The following MINDY4 variants were observed in gnomAD, a reference collection of about 807,000 sequenced individuals.
The protein encoded by MINDY4 is probable ubiquitin carboxyl-terminal hydrolase MINDY-4.
A neutral mutation model predicts 87.0 loss-of-function variants in MINDY4; 68 were observed. That is an observed-to-expected ratio of 0.78 (90% CI 0.64 to 0.96). The LOEUF is 0.96. Among genes scored for constraint, MINDY4 ranks in the 40% least tolerant of loss-of-function variants. MINDY4 has a pLI of 0.00. For missense variants in MINDY4, 919 were observed against 928.2 expected, an observed-to-expected ratio of 0.99 and a Z score of 0.13; for synonymous variants, 379 against 363.2, an observed-to-expected ratio of 1.04 and a Z score of -0.50.
chr7:30,859,052 G>A lies in MINDY4; in HGVS notation c.1678-205G>A, dbSNP rs779085699. 1.5e-5 allele frequency: 11 copies of A among 713,760 alleles called. 1 individual carries two copies. Among genetic ancestry groups the A allele is most frequent in the Admixed American group, 4.0e-5 (2 of 49,904 alleles). The allele number at this position is 713,760 out of a possible 1,614,324, so 44.2% of individuals were successfully genotyped here. On this transcript the variant is annotated intron_variant, in intron 12 of 17. Transcript: ENST00000265299. Reference sequence around the variant, plus strand: ...CTTTGGTGGCCCCTGCATCACCCTCGCTCTGCTGTCATTGTCATTCAGGTT... The same window carrying A: ...CTTTGGTGGCCCCTGCATCACCCTCACTCTGCTGTCATTGTCATTCAGGTT...
chr7:30,831,610 G>C (rs1432347641), intron 6 of MINDY4, among the ~76,000 whole-genome samples: 1 of 152,130 alleles, frequency 6.6e-6, no homozygotes. Flanking sequence ...GAAGGGTAGA[G>C]GAGAGATGGG....
chr7:30,888,742 GTAA>G, intron 17 of MINDY4, among the ~76,000 whole-genome samples: 1 of 152,274 alleles, frequency 6.6e-6, no homozygotes, highest in Non-Finnish European at 1.5e-5. Flanking sequence ...ATTTTCTATT[GTAA>G]TTGCAAACTG....
At chr7:30,805,783 AGAT>A (rs1359916047) in intron 5 of MINDY4, among the ~76,000 whole-genome samples, 1 of 152,154 alleles carries the variant, frequency 6.6e-6, no homozygotes, top group Non-Finnish European at 1.5e-5. Flanking sequence ...AGAAGTTTAG[AGAT>A]GAAGGGTACA....
intron 5 of MINDY4, among the ~76,000 whole-genome samples, chr7:30,813,154 C>A (rs1182553618): frequency 6.6e-6 from 1 of 152,294 alleles, no homozygotes; most frequent in African/African-American, 2.4e-5. Flanking sequence ...GCATTAGATT[C>A]AGATCCTTAA....
chr7:30,858,751 T>C (rs1039279469), intron 12 of MINDY4: 1 of 334,898 alleles, frequency 3.0e-6, no homozygotes, highest in Admixed American at 4.4e-5. Flanking sequence ...TCTCTGCTGC[T>C]CTTAGCACAG....
rs148050515 is a variant in MINDY4 at position 30,846,454 on chromosome 7, G to A, written c.1446-4000G>A. On this transcript the variant is annotated intron_variant, in intron 9 of 17. Coordinates refer to ENST00000265299, the MANE Select transcript of MINDY4 (RefSeq NM_032222.3). ...CCTGCACTTCACCTGTGAGGAATTC[G>A]ACTCTTAAAGAAACTTCTCTTGGTT... Among the ~76,000 whole-genome samples the A allele has an allele frequency of 4.7e-3, 722 of 152,226 alleles. 8 individuals are homozygous for A. The highest frequency in any genetic ancestry group is 7.8e-3 in the Non-Finnish European group (529 of 68,020).
In MINDY4 at chr7:30,791,419, G is replaced by C. The variant is rs373295305; in HGVS notation, c.918G>C (p.Pro306=). 2 of 1,614,000 alleles carry C rather than the reference G, an allele frequency of 1.2e-6. No individual in the cohort carries two copies. Among genetic ancestry groups the C allele is most frequent in the African/African-American group, 1.3e-5 (1 of 74,910 alleles). Residue 306 remains proline, a synonymous_variant, in exon 5 of 18, where the codon CCG becomes CCC. Transcript: ENST00000265299. ...KRLPPWDRAR[P]RDPSEDTPAV... ...TGCCCCCATGGGACAGGGCCAGGCCGAGGGATCCCTCCGAGGACACCCCAG... is the reference window on the plus strand; with the variant it reads ...TGCCCCCATGGGACAGGGCCAGGCCCAGGGATCCCTCCGAGGACACCCCAG...
At chr7:30,858,651 A>AG (rs1220057837) in intron 12 of MINDY4, 7 of 126,308 alleles carry the variant, frequency 5.5e-5, no homozygotes, top group African/African-American at 3.1e-4. Context: ...GATGTTTTAA[A>AG]AATATATATA....
At chr7:30,837,131 C>T (rs546727500) in intron 7 of MINDY4, among the ~76,000 whole-genome samples, 1 of 152,248 alleles carries the variant, frequency 6.6e-6, no homozygotes, top group Non-Finnish European at 1.5e-5. Context: ...AAGCCCTGGC[C>T]AGGTTGCAGT....
intron 17 of MINDY4, among the ~76,000 whole-genome samples, chr7:30,891,612 A>G (rs1179196205): frequency 6.6e-6 from 1 of 152,166 alleles, no homozygotes; most frequent in Non-Finnish European, 1.5e-5. Context: ...ATTGGGTCCT[A>G]GTGGAGAGCG....
At chr7:30,871,189 C>T (rs1004393352) in intron 13 of MINDY4, among the ~76,000 whole-genome samples, 3 of 152,194 alleles carry the variant, frequency 2.0e-5, no homozygotes, top group Non-Finnish European at 4.4e-5. Context: ...GACCCAGGCT[C>T]CCTGGTCTCA....
At chr7:30,841,075 A>C (rs1789019927) in intron 9 of MINDY4, among the ~76,000 whole-genome samples, 1 of 152,050 alleles carries the variant, frequency 6.6e-6, no homozygotes, top group South Asian at 2.1e-4. Context: ...GTGGTGCTCC[A>C]CCTGGGAAGG....
chr7:30,860,248 G>T (rs753172535), intron 13 of MINDY4, among the ~76,000 whole-genome samples: 2 of 152,198 alleles, frequency 1.3e-5, no homozygotes, highest in African/African-American at 2.4e-5. Context: ...CTTCTTTCCC[G>T]GCCTGGTTGG....
At chr7:30,885,709 C>A (rs111988506) in intron 17 of MINDY4, among the ~76,000 whole-genome samples, 1,545 of 149,396 alleles carry the variant, frequency 0.01, 39 homozygotes, top group African/African-American at 0.036. Context: ...AGTGCCCACC[C>A]CCCCCCCAAC....
rs376063962 is a variant in MINDY4, at chr7:30,839,280, C to T, written c.1320C>T (p.Asn440=). 2.7e-5 allele frequency: 44 copies of T among 1,611,658 alleles called. No homozygotes were observed. The African/African-American group carries it at 5.5e-4, about 20-fold the overall frequency. ...AACTTCAGAGTTTTTCCTTTAGTAA[C>T]ACAGCCTCATTAAAATACGGCATAG... ...EWKLQSFSFS[N]TASLKYGIVQ... is the part of the protein sequence containing the mutation. The change falls in exon 8 of 18, where the codon AAC becomes AAT. Residue 440 remains asparagine (N), a synonymous_variant. Coordinates refer to ENST00000265299, the MANE Select transcript of MINDY4 (RefSeq NM_032222.3).
At chr7:30,783,218 T>C (rs1422007665) in intron 3 of MINDY4, among the ~76,000 whole-genome samples, 1 of 152,168 alleles carries the variant, frequency 6.6e-6, no homozygotes, top group East Asian at 1.9e-4. Flanking sequence ...CTATGTGCCT[T>C]GACTCTTGGC....
At position 30,778,510 on chromosome 7, in the gene MINDY4, C is replaced by T. The variant is rs1279694160; in HGVS notation, c.142C>T (p.Arg48Ter). ...DLSINNRNDLRKVLHLEFLYK... is the reference protein window; with the variant it reads ...DLSINNRNDL The stretch of plus-strand genomic sequence containing the variant: ...CAGCATAAACAACAGAAATGATCTT[C>T]GAAAGGTTTTGCATCTTGAATTTCT... Residue 48 changes from arginine to a stop codon, truncating the protein, a stop_gained, in exon 2 of 18, where the codon CGA (arginine) becomes TGA (stop). Coordinates refer to ENST00000265299, the MANE Select transcript of MINDY4 (RefSeq NM_032222.3). LOFTEE classifies it high-confidence loss of function. 6 of 1,614,078 alleles carry T rather than the reference C, an allele frequency of 3.7e-6. No individual in the cohort carries two copies. The highest frequency in any genetic ancestry group is 3.3e-5 in the Admixed American group (2 of 60,016).
chr7:30,884,567 A>G (rs1790572592), intron 17 of MINDY4, among the ~76,000 whole-genome samples: 1 of 152,200 alleles, frequency 6.6e-6, no homozygotes, highest in South Asian at 2.1e-4. Flanking sequence ...CAGGGCTCCA[A>G]CACCCTGGAC....
intron 9 of MINDY4, among the ~76,000 whole-genome samples, chr7:30,844,178 G>T (rs549495545): frequency 1.3e-5 from 2 of 152,244 alleles, no homozygotes; most frequent in Non-Finnish European, 2.9e-5. Flanking sequence ...TGAGTGAAGC[G>T]GTCTGACTTC....
Sources: gnomAD v4.1 joint callset for allele counts (sites outside exome capture counted in the v4.1 genomes callset) on GRCh38, gnomAD v4.1.1 for gene constraint, MANE v1.5 for transcripts, NCBI Gene and HGNC (gene_info 2026-07-23, HGNC 2026-07-21) for gene names.